The following SGCZ variants were observed in gnomAD, a reference collection of about 807,000 sequenced individuals.
SGCZ encodes sarcoglycan zeta, also known as zeta-sarcoglycan.
A neutral mutation model predicts 41.3 loss-of-function variants in SGCZ; 40 were observed. That is an observed-to-expected ratio of 0.97 (90% CI 0.75 to 1.26). SGCZ has a LOEUF of 1.26. Ranked by LOEUF, SGCZ falls within the 50% of genes most tolerant of loss-of-function variation. The pLI, the probability that SGCZ is intolerant of heterozygous loss-of-function variation, is 0.00. For synonymous variants in SGCZ, 206 were observed against 137.5 expected (o/e 1.50, Z -3.49); for missense variants, 552 against 369.8 (o/e 1.49, Z -4.04).
At chr8:15,236,681 T>C (rs528679103) in intron 1 of SGCZ, among the ~76,000 whole-genome samples, 1 of 146,674 alleles carries the variant, frequency 6.8e-6, no homozygotes, top group East Asian at 1.9e-4. Flanking sequence ...ATATATATAT[T>C]TTTTTTTCTT....
At chr8:15,140,841 T>C (rs1168382557) in intron 1 of SGCZ, among the ~76,000 whole-genome samples, 1 of 152,170 alleles carries the variant, frequency 6.6e-6, no homozygotes, top group Admixed American at 6.5e-5. Flanking sequence ...AGAACCTCAG[T>C]AGTATTGAAC....
intron 1 of SGCZ, among the ~76,000 whole-genome samples, chr8:14,800,303 A>T (rs1256540436): frequency 2.6e-5 from 4 of 152,164 alleles, no homozygotes; most frequent in African/African-American, 9.7e-5. Flanking sequence ...TGTGTCTAAA[A>T]TTTTTTTAAT....
At chr8:14,500,268 C>G (rs1475646634) in intron 2 of SGCZ, among the ~76,000 whole-genome samples, 1 of 151,958 alleles carries the variant, frequency 6.6e-6, no homozygotes, top group Admixed American at 6.6e-5. Context: ...GTGGAGTACC[C>G]TGCTTTTGTT....
At chr8:14,212,559 A>C (rs1805853940) in intron 4 of SGCZ, among the ~76,000 whole-genome samples, 1 of 152,146 alleles carries the variant, frequency 6.6e-6, no homozygotes, top group South Asian at 2.1e-4. Context: ...TAGCCTACAC[A>C]TTAAACCTAA....
At chr8:14,172,126 T>C (rs1432936748) in intron 4 of SGCZ, among the ~76,000 whole-genome samples, 1 of 152,162 alleles carries the variant, frequency 6.6e-6, no homozygotes, top group African/African-American at 2.4e-5. Flanking sequence ...TTAAAGCTCT[T>C]ATATAACAAA....
At chr8:14,712,037 G>A (rs1315309413) in intron 1 of SGCZ, among the ~76,000 whole-genome samples, 2 of 152,134 alleles carry the variant, frequency 1.3e-5, no homozygotes, top group Non-Finnish European at 2.9e-5. Context: ...TGGAGGCTGA[G>A]GTGGGTGGAT....
intron 1 of SGCZ, among the ~76,000 whole-genome samples, chr8:14,598,393 G>A (rs1245158391): frequency 6.6e-6 from 1 of 151,570 alleles, no homozygotes; most frequent in Non-Finnish European, 1.5e-5. Context: ...CTAATTGCCG[G>A]TTCCCTTCTA....
At chr8:14,952,792 G>A (rs112629202) in intron 1 of SGCZ, among the ~76,000 whole-genome samples, 5 of 152,148 alleles carry the variant, frequency 3.3e-5, no homozygotes, top group African/African-American at 1.2e-4. Flanking sequence ...TAAAGACAGA[G>A]CTTTTAGTAG....
chr8:14,437,595 C>G (rs28540193), intron 2 of SGCZ, among the ~76,000 whole-genome samples: 2 of 151,800 alleles, frequency 1.3e-5, no homozygotes, highest in African/African-American at 4.8e-5. Context: ...GAAAAATTTT[C>G]TGTTTTAATT....
At chr8:14,702,201 A>G (rs1017622707) in intron 1 of SGCZ, among the ~76,000 whole-genome samples, 1 of 151,816 alleles carries the variant, frequency 6.6e-6, no homozygotes, top group African/African-American at 2.4e-5. Flanking sequence ...TCAACTTTCT[A>G]TTTGTTGAAA....
intron 1 of SGCZ, among the ~76,000 whole-genome samples, chr8:15,164,769 G>A (rs967249503): frequency 3.3e-5 from 5 of 151,938 alleles, no homozygotes; most frequent in Admixed American, 6.6e-5. Flanking sequence ...CCAATCTGGT[G>A]TGCTTTGCAT....
At chr8:14,728,516 T>C (rs1349616404) in intron 1 of SGCZ, among the ~76,000 whole-genome samples, 15 of 151,978 alleles carry the variant, frequency 9.9e-5, no homozygotes, top group Non-Finnish European at 1.5e-4. Flanking sequence ...CGAAAATGAA[T>C]TATGAATAGT....
chr8:15,234,688 T>C (rs946827972), intron 1 of SGCZ, among the ~76,000 whole-genome samples: 1 of 152,162 alleles, frequency 6.6e-6, no homozygotes, highest in Non-Finnish European at 1.5e-5. Flanking sequence ...GTTTAAAAGC[T>C]TGCAAAAGAA....
intron 3 of SGCZ, among the ~76,000 whole-genome samples, chr8:14,273,349 G>A (rs539302239): frequency 6.6e-6 from 1 of 152,142 alleles, no homozygotes; most frequent in East Asian, 1.9e-4. Context: ...AGCAAAATGT[G>A]TCTAGTTTTG....
intron 1 of SGCZ, among the ~76,000 whole-genome samples, chr8:15,080,608 T>C (rs1805706999): frequency 6.6e-6 from 1 of 152,092 alleles, no homozygotes; most frequent in East Asian, 1.9e-4. Context: ...TTTATTTATT[T>C]TGAGACAGAG....
intron 4 of SGCZ, among the ~76,000 whole-genome samples, chr8:14,201,163 C>A (rs1563182246): frequency 6.6e-6 from 1 of 152,124 alleles, no homozygotes; most frequent in South Asian, 2.1e-4. Context: ...AATGCTCATA[C>A]AGGCAGGTAG....
At chr8:14,130,632 G>C (rs1004370792) in intron 5 of SGCZ, among the ~76,000 whole-genome samples, 1 of 152,142 alleles carries the variant, frequency 6.6e-6, no homozygotes, top group African/African-American at 2.4e-5. Flanking sequence ...GAGAGTCCTT[G>C]GTGGGATTTC....
chr8:14,577,222 A>T (rs1804737653), intron 1 of SGCZ, among the ~76,000 whole-genome samples: 1 of 152,188 alleles, frequency 6.6e-6, no homozygotes, highest in Non-Finnish European at 1.5e-5. Flanking sequence ...AATAGATTAC[A>T]ATAGATTAGT....
In SGCZ at chr8:14,639,901, T is replaced by C. The variant is rs1010093918; in HGVS notation, c.40-84975A>G. Among the ~76,000 whole-genome samples, 4 of 151,644 alleles carry C rather than the reference T, an allele frequency of 2.6e-5. No homozygotes were observed. In the Admixed American group the frequency reaches 2.6e-4, roughly 10 times the overall value. On this transcript the variant is annotated intron_variant, in intron 1 of 7. Coordinates refer to ENST00000382080, the MANE Select transcript of SGCZ (RefSeq NM_139167.4). The stretch of plus-strand genomic sequence containing the variant: ...CAATATCTCCCTACCTCCTGCAAGA[T>C]ACTCTCTACTCCTTGGACACTTGAT...
Sources: allele counts gnomAD v4.1 joint callset (sites outside exome capture counted in the v4.1 genomes callset), GRCh38; gene constraint gnomAD v4.1.1; transcripts MANE v1.5; gene names NCBI Gene and HGNC (gene_info 2026-07-23, HGNC 2026-07-21).